The following CRPPA variants were observed in gnomAD, a reference collection of about 807,000 sequenced individuals.
CRPPA encodes the protein D-ribitol-5-phosphate cytidylyltransferase.
Under a neutral mutation model 52.0 loss-of-function variants are expected in CRPPA, and 43 were observed. The ratio of observed to expected loss-of-function variants is 0.83; its 90% confidence interval spans 0.65 to 1.07. The LOEUF is 1.07. Among genes scored for constraint, CRPPA ranks in the 50% least tolerant of loss-of-function variants. The pLI is 0.00. For synonymous variants in CRPPA, 250 were observed against 203.5 expected, an observed-to-expected ratio of 1.23 and a Z score of -1.94; for missense variants, 629 against 551.7, an observed-to-expected ratio of 1.14 and a Z score of -1.40.
intron 2 of CRPPA, among the ~76,000 whole-genome samples, chr7:16,396,742 A>G (rs1023853892): frequency 1.3e-5 from 2 of 152,278 alleles, no homozygotes; most frequent in Admixed American, 6.5e-5. Context: ...CATTCGTATG[A>G]CATGACTGAT....
intron 8 of CRPPA, among the ~76,000 whole-genome samples, chr7:16,244,090 G>T (rs1332696007): frequency 1.3e-5 from 2 of 152,058 alleles, no homozygotes; most frequent in African/African-American, 4.8e-5. Context: ...AAGAAGATAA[G>T]ACTATTTTAA....
In CRPPA at chr7:16,286,097, A is replaced by AT. The variant is rs1554309941; in HGVS notation, c.836-7872_836-7871insA. ...TATATATATAATATTTAAAAAAAAAAATATATATATATATATATATGCCAA... is the reference window on the plus strand; with the variant it reads ...TATATATATAATATTTAAAAAAAAAATATATATATATATATATATATGCCAA... On this transcript the variant is annotated intron_variant, in intron 5 of 9. Transcript: ENST00000407010. Among the ~76,000 whole-genome samples, 294 of 39,116 alleles carry AT rather than the reference A, an allele frequency of 7.5e-3. 38 individuals are homozygous for AT. The highest frequency in any genetic ancestry group is 8.3e-3 in the Non-Finnish European group (205 of 24,644). 25.7% of individuals were successfully genotyped at this position (39,116 alleles called of 152,430 possible).
chr7:16,217,380 G>A (rs1377271366), intron 8 of CRPPA, among the ~76,000 whole-genome samples: 2 of 151,868 alleles, frequency 1.3e-5, no homozygotes, highest in Non-Finnish European at 2.9e-5. Flanking sequence ...AAAACGCAGA[G>A]CACCTCTCCT....
intron 9 of CRPPA, among the ~76,000 whole-genome samples, chr7:16,144,461 A>C (rs912898642): frequency 3.3e-5 from 5 of 152,218 alleles, no homozygotes; most frequent in Non-Finnish European, 7.3e-5. Context: ...TTTTAGGGAA[A>C]GATGCAAGCC....
At chr7:16,312,089 G>T (rs746351310) in intron 3 of CRPPA, among the ~76,000 whole-genome samples, 2 of 151,930 alleles carry the variant, frequency 1.3e-5, no homozygotes, top group Non-Finnish European at 2.9e-5. Flanking sequence ...TTTCAATATT[G>T]TGTTAGCTAT....
At chr7:16,385,379 G>A (rs982725223) in intron 2 of CRPPA, among the ~76,000 whole-genome samples, 2 of 152,114 alleles carry the variant, frequency 1.3e-5, no homozygotes, top group South Asian at 2.1e-4. Context: ...GAAAACCAAA[G>A]TCAAGGAAGA....
At chr7:16,259,605 T>G (rs1053099590) in intron 6 of CRPPA, among the ~76,000 whole-genome samples, 1 of 151,998 alleles carries the variant, frequency 6.6e-6, no homozygotes, top group Non-Finnish European at 1.5e-5. Flanking sequence ...ACTTTCCTAG[T>G]AAGATTTTTT....
intron 9 of CRPPA, among the ~76,000 whole-genome samples, chr7:16,168,467 T>C (rs922126029): frequency 6.6e-6 from 1 of 152,022 alleles, no homozygotes; most frequent in South Asian, 2.1e-4. Flanking sequence ...CTAGCATCAG[T>C]GTTTTCAGTC....
chr7:16,398,079 ACG>A (rs1177658574), intron 2 of CRPPA, among the ~76,000 whole-genome samples: 5 of 152,140 alleles, frequency 3.3e-5, no homozygotes, highest in Non-Finnish European at 7.3e-5. Flanking sequence ...CATGATTGAC[ACG>A]TGAACAATAA....
chr7:16,389,922 A>ATATATATATATATAT (rs1163713598), intron 2 of CRPPA, among the ~76,000 whole-genome samples: 24 of 62,228 alleles, frequency 3.9e-4, no homozygotes, highest in Non-Finnish European at 6.3e-4. Context: ...ACAAAAAAAA[A>ATATATATATATATAT]AAAAAAATAT....
chr7:16,396,690 A>C (rs1308750064), intron 2 of CRPPA, among the ~76,000 whole-genome samples: 1 of 152,278 alleles, frequency 6.6e-6, no homozygotes, highest in Non-Finnish European at 1.5e-5. Context: ...CCACCAGTCA[A>C]TGAGTAGATA....
chr7:16,199,657 G>A (rs1290849969), intron 9 of CRPPA, among the ~76,000 whole-genome samples: 5 of 73,100 alleles, frequency 6.8e-5, no homozygotes, highest in Non-Finnish European at 1.5e-4. Context: ...CAAACCATAA[G>A]TTCACTTAAA....
At chr7:16,265,188 G>T (rs369569613) in intron 6 of CRPPA, among the ~76,000 whole-genome samples, 5 of 152,244 alleles carry the variant, frequency 3.3e-5, no homozygotes, top group African/African-American at 1.2e-4. Flanking sequence ...TAAGCTGGTG[G>T]ATCATAACAG....
At chr7:16,418,259 G>C (rs1009065349) in intron 1 of CRPPA, among the ~76,000 whole-genome samples, 1 of 152,110 alleles carries the variant, frequency 6.6e-6, no homozygotes, top group African/African-American at 2.4e-5. Context: ...AGACATAATA[G>C]TGATAAAAAT....
intron 2 of CRPPA, among the ~76,000 whole-genome samples, chr7:16,385,081 T>A (rs753541478): frequency 8.6e-5 from 13 of 151,996 alleles, no homozygotes; most frequent in African/African-American, 1.2e-4. Flanking sequence ...GAGGAATCAA[T>A]GAACTTACAC....
intron 2 of CRPPA, among the ~76,000 whole-genome samples, chr7:16,392,386 T>A (rs746551256): frequency 6.6e-6 from 1 of 152,164 alleles, no homozygotes; most frequent in East Asian, 1.9e-4. Context: ...GGGCAAACAG[T>A]AGTCTTACAT....
At chr7:16,287,128 T>C (rs1177139991) in intron 5 of CRPPA, among the ~76,000 whole-genome samples, 2 of 152,190 alleles carry the variant, frequency 1.3e-5, no homozygotes, top group Non-Finnish European at 2.9e-5. Context: ...GTATGAATTA[T>C]TTTCCCCATT....
intron 9 of CRPPA, among the ~76,000 whole-genome samples, chr7:16,097,550 T>C (rs890148340): frequency 6.6e-6 from 1 of 152,188 alleles, no homozygotes; most frequent in African/African-American, 2.4e-5. Context: ...CTTTTAAACA[T>C]ACAAGGTAAT....
intron 9 of CRPPA, among the ~76,000 whole-genome samples, chr7:16,174,463 G>A (rs891582630): frequency 1.1e-4 from 16 of 152,104 alleles, no homozygotes; most frequent in Admixed American, 3.9e-4. Flanking sequence ...AGAGAAATAA[G>A]CAAATGGCAG....
Sources: allele counts gnomAD v4.1 joint callset (sites outside exome capture counted in the v4.1 genomes callset), GRCh38; gene constraint gnomAD v4.1.1; transcripts MANE v1.5; gene names NCBI Gene and HGNC (gene_info 2026-07-23, HGNC 2026-07-21).